Variants in CCNH observed in about 807,000 individuals in gnomAD.
CCNH encodes the protein cyclin-H.
Under a neutral mutation model 41.9 loss-of-function variants are expected in CCNH, and 31 were observed. The observed-to-expected ratio is 0.74, with a 90% confidence interval of 0.56 to 1.00. The LOEUF (loss-of-function observed/expected upper bound fraction) is 1.00, where lower values mean the gene tolerates loss of function less well. CCNH is among the 50% of genes least tolerant of loss of function. The pLI, the probability that CCNH is intolerant of heterozygous loss-of-function variation, is 0.00. For missense variants in CCNH, 362 were observed against 388.4 expected, an observed-to-expected ratio of 0.93 and a Z score of 0.57; for synonymous variants, 138 against 136.1, an observed-to-expected ratio of 1.01 and a Z score of -0.10.
intron 9 of CCNH, among the ~76,000 whole-genome samples, chr5:87,367,229 T>C (rs1429197957): frequency 6.6e-6 from 1 of 152,164 alleles, no homozygotes; most frequent in Non-Finnish European, 1.5e-5. Context: ...ATAGGACAAG[T>C]AGAAAAATAG....
upstream of CCNH, among the ~76,000 whole-genome samples, chr5:87,380,347 A>AC (rs1416307000): frequency 1.3e-5 from 2 of 152,224 alleles, no homozygotes; most frequent in African/African-American, 4.8e-5. Context: ...AGTTTTCCTT[A>AC]CCCCTTGCTA....
chr5:87,332,399 C>A, intron 9 of CCNH: 1 of 1,164,570 alleles, frequency 8.6e-7, no homozygotes, highest in Non-Finnish European at 1.2e-6. Context: ...GATATAGTTA[C>A]AAGGAAAAGA....
chr5:87,379,993 G>A (rs1580394454), upstream of CCNH: 9 of 901,128 alleles, frequency 1.0e-5, no homozygotes, highest in East Asian at 2.4e-4. Context: ...GAGATGAATT[G>A]TATTTAAAGA....
downstream of CCNH, chr5:87,386,912 A>C: frequency 6.2e-7 from 1 of 1,606,318 alleles, no homozygotes; most frequent in Non-Finnish European, 8.5e-7. Context: ...GGGTATGTAT[A>C]TAGTTTTCAG....
upstream of CCNH, among the ~76,000 whole-genome samples, chr5:87,381,807 T>C (rs901640351): frequency 6.6e-5 from 10 of 152,208 alleles, no homozygotes; most frequent in African/African-American, 2.2e-4. Flanking sequence ...CAGGAAATTG[T>C]AAACTGTTTC....
chr5:87,324,301 C>G (rs977315638), intron 9 of CCNH, among the ~76,000 whole-genome samples: 2 of 152,170 alleles, frequency 1.3e-5, no homozygotes. Flanking sequence ...TTTTCCTCCT[C>G]TCTTTCAACA....
the CCNH span, among the ~76,000 whole-genome samples, chr5:87,312,439 T>G: frequency 6.6e-6 from 1 of 152,230 alleles, no homozygotes; most frequent in Non-Finnish European, 1.5e-5. Context: ...TTATGTGTAA[T>G]TTTTAAATTA....
intron 9 of CCNH, among the ~76,000 whole-genome samples, chr5:87,349,996 T>C (rs1340196616): frequency 6.6e-6 from 1 of 151,922 alleles, no homozygotes; most frequent in Non-Finnish European, 1.5e-5. Flanking sequence ...CTATAACTAA[T>C]AACTCTCTAT....
intron 9 of CCNH, among the ~76,000 whole-genome samples, chr5:87,323,127 TA>T (rs1297320195): frequency 6.6e-6 from 1 of 152,150 alleles, no homozygotes; most frequent in African/African-American, 2.4e-5. Flanking sequence ...TGACTGTGAA[TA>T]AATACAGAAA....
At chr5:87,402,450 A>G (rs1763486079) in intron 5 of CCNH, among the ~76,000 whole-genome samples, 1 of 152,222 alleles carries the variant, frequency 6.6e-6, no homozygotes, top group Non-Finnish European at 1.5e-5. Flanking sequence ...GAAGTTTTAC[A>G]TACCTGAACT....
chr5:87,346,920 T>A (rs1758903876), intron 9 of CCNH, among the ~76,000 whole-genome samples: 1 of 152,010 alleles, frequency 6.6e-6, no homozygotes, highest in Admixed American at 6.6e-5. Context: ...GTCAAGTGTG[T>A]TTTTCTTTTA....
intron 9 of CCNH, among the ~76,000 whole-genome samples, chr5:87,355,984 A>G (rs1379265999): frequency 6.6e-6 from 1 of 152,210 alleles, no homozygotes; most frequent in Admixed American, 6.5e-5. Context: ...ATGAAACTGG[A>G]GCGAAAGAGG....
At chr5:87,394,601 TA>T in intron 8 of CCNH, 117 bp from the exon 9 acceptor site, 3 of 1,525,394 alleles carry the variant, frequency 2.0e-6, no homozygotes, top group Non-Finnish European at 2.6e-6. Flanking sequence ...TTACAAAAGA[TA>T]AACCAGGAAA....
chr5:87,331,958 A>C (rs569275602), intron 9 of CCNH, among the ~76,000 whole-genome samples: 1 of 152,172 alleles, frequency 6.6e-6, no homozygotes, highest in African/African-American at 2.4e-5. Flanking sequence ...CTGTATATAT[A>C]AACATATTTA....
intron 9 of CCNH, chr5:87,362,734 CTTA>C (rs1760210142): frequency 1.3e-6 from 2 of 1,533,460 alleles, no homozygotes; most frequent in Middle Eastern, 1.7e-4. Flanking sequence ...GAGCTCCGAA[CTTA>C]TTGTGATATA....
intron 7 of CCNH, 132 bp from the exon 8 acceptor site, chr5:87,395,236 A>G: frequency 1.6e-6 from 1 of 626,270 alleles, no homozygotes; most frequent in Non-Finnish European, 2.7e-6. Flanking sequence ...ATGGAAAAAG[A>G]TAAACAGCTA....
chr5:87,338,536 A>ATATTTTTTTTTTT lies in CCNH; in HGVS notation c.*91-19640_*91-19639insAAAAAAAAAAATA. On this transcript the variant is annotated intron_variant and NMD_transcript_variant, in intron 9 of 9. Transcript: ENST00000645953. ...ATATATATATATATATATATATAAA[A>ATATTTTTTTTTTT]TTTTTTTTTTTTTTAAGTAGAAATG... Among the ~76,000 whole-genome samples the ATATTTTTTTTTTT allele has an allele frequency of 1.2e-3, 99 of 85,192 alleles. 2 individuals carry two copies. Among genetic ancestry groups the ATATTTTTTTTTTT allele is most frequent in the African/African-American group, 4.1e-3 (92 of 22,600 alleles). The allele number at this position is 85,192 out of a possible 152,430, so 55.9% of individuals were successfully genotyped here.
At chr5:87,367,963 C>G (rs1390802820) in intron 9 of CCNH, among the ~76,000 whole-genome samples, 1 of 151,224 alleles carries the variant, frequency 6.6e-6, no homozygotes, top group Non-Finnish European at 1.5e-5. Context: ...TAAAATGTAC[C>G]AACTATAAAT....
chr5:87,376,153 C>T (rs370449445), downstream of CCNH: 2 of 549,546 alleles, frequency 3.6e-6, no homozygotes, highest in African/African-American at 3.8e-5. Flanking sequence ...CTAAACTGAC[C>T]TCTATGCAAC....
Sources: allele counts gnomAD v4.1 joint callset (sites outside exome capture counted in the v4.1 genomes callset), GRCh38; gene constraint gnomAD v4.1.1; transcripts MANE v1.5; gene names NCBI Gene and HGNC (gene_info 2026-07-23, HGNC 2026-07-21).